Variants in RBM6 observed in about 807,000 individuals in gnomAD.
The protein encoded by RBM6 is RNA-binding protein 6.
In RBM6, 23 loss-of-function variants were observed where a neutral mutation model predicts 140.4. That is an observed-to-expected ratio of 0.16 (90% CI 0.12 to 0.23). RBM6 has a LOEUF of 0.23. Ranked by LOEUF, RBM6 falls within the 10% of genes least tolerant of loss-of-function variation. RBM6 has a pLI of 1.00. For missense variants in RBM6, 1,139 were observed against 1,386.7 expected, an observed-to-expected ratio of 0.82 and a Z score of 2.84; for synonymous variants, 439 against 475.6, an observed-to-expected ratio of 0.92 and a Z score of 1.00.
intron 6 of RBM6, among the ~76,000 whole-genome samples, chr3:50,042,838 C>G (rs981348711): frequency 3.9e-5 from 6 of 152,044 alleles, no homozygotes; most frequent in African/African-American, 1.4e-4. Flanking sequence ...TGACCCTAGT[C>G]CTTCTGACAG....
At position 50,051,931 on chromosome 3, in the gene RBM6, A is replaced by G. The variant is rs192015813; in HGVS notation, c.1633-2404A>G. Among the ~76,000 whole-genome samples the G allele has an allele frequency of 4.6e-5, 7 of 152,370 alleles. No homozygotes were observed. In the East Asian group the frequency reaches 1.3e-3, roughly 29 times the overall value. ...GCACAATTCCATGTCCCTAGGGGTA[A>G]GAATGGGGGAGGTAACTCCACTAGA... On this transcript the variant is annotated intron_variant, in intron 7 of 20. Coordinates refer to ENST00000266022, the MANE Select transcript of RBM6 (RefSeq NM_005777.3).
chr3:50,000,559 T>C (rs1479699247), intron 6 of RBM6, among the ~76,000 whole-genome samples: 1 of 151,956 alleles, frequency 6.6e-6, no homozygotes, highest in African/African-American at 2.4e-5. Context: ...TAGCTGGGAT[T>C]ACAGGCATGC....
At chr3:50,037,968 C>T (rs995012400) in intron 6 of RBM6, among the ~76,000 whole-genome samples, 5 of 151,772 alleles carry the variant, frequency 3.3e-5, no homozygotes, top group Admixed American at 1.3e-4. Flanking sequence ...ATTACAGGCG[C>T]CCGCCACCAT....
At chr3:49,969,393 G>A (rs1322027687) in intron 3 of RBM6, among the ~76,000 whole-genome samples, 1 of 147,686 alleles carries the variant, frequency 6.8e-6, no homozygotes, top group Non-Finnish European at 1.5e-5. Flanking sequence ...TTGTATTCAG[G>A]AGTGGAATGT....
At chr3:50,057,587 C>CAA (rs4030422) in intron 8 of RBM6, 141 bp from the exon 9 acceptor site, 56,190 of 210,036 alleles carry the variant, frequency 0.27, 5,943 homozygotes, top group East Asian at 0.38. Flanking sequence ...AACTCCGTCT[C>CAA]AAAAAAAAAA....
chr3:50,056,203 A>G (rs2108903944), intron 8 of RBM6, among the ~76,000 whole-genome samples: 1 of 152,250 alleles, frequency 6.6e-6, no homozygotes. Context: ...TTGTTAGGTC[A>G]CTTCAGGTTA....
At position 49,962,311 on chromosome 3, in the gene RBM6, C is replaced by T. The variant is rs191553179; in HGVS notation, c.-66-265C>T. Among the ~76,000 whole-genome samples the T allele has an allele frequency of 3.4e-3, 499 of 148,268 alleles. 4 individuals are homozygous for T. Among genetic ancestry groups the T allele is most frequent in the African/African-American group, 0.012 (483 of 39,966 alleles). The stretch of plus-strand genomic sequence containing the variant: ...AAAATTAGCTAGGCGTGGTGGCGGG[C>T]GCCTGTAGTCCTAGCTACTCGGGAG... On this transcript the variant is annotated intron_variant, in intron 1 of 20. Transcript: ENST00000266022.
chr3:50,032,948 G>T (rs2088270092), intron 6 of RBM6, among the ~76,000 whole-genome samples: 1 of 151,720 alleles, frequency 6.6e-6, no homozygotes, highest in African/African-American at 2.4e-5. Flanking sequence ...TCGTGCCATT[G>T]CACTCCAACC....
chr3:50,028,713 ATTTCT>A (rs1158861667), intron 6 of RBM6, among the ~76,000 whole-genome samples: 1 of 152,222 alleles, frequency 6.6e-6, no homozygotes, highest in African/African-American at 2.4e-5. Flanking sequence ...AGCAGGGACT[ATTTCT>A]TTTCTTTACT....
chr3:50,011,171 G>GATTA (rs2086830228), intron 6 of RBM6, among the ~76,000 whole-genome samples: 1 of 151,720 alleles, frequency 6.6e-6, no homozygotes, highest in African/African-American at 2.4e-5. Flanking sequence ...AGTGAGCCAT[G>GATTA]ATTAGATCAC....
At chr3:50,012,667 T>A (rs947993827) in intron 6 of RBM6, among the ~76,000 whole-genome samples, 2 of 144,154 alleles carry the variant, frequency 1.4e-5, no homozygotes, top group Non-Finnish European at 3.1e-5. Flanking sequence ...CATTCCAATT[T>A]TTTACAAAAG....
At chr3:49,989,042 A>C (rs2085694143) in intron 5 of RBM6, among the ~76,000 whole-genome samples, 2 of 151,924 alleles carry the variant, frequency 1.3e-5, no homozygotes, top group Admixed American at 6.6e-5. Flanking sequence ...TGACTAGATA[A>C]TGTCATTTTT....
chr3:50,013,033 G>A (rs1017960287), intron 6 of RBM6, among the ~76,000 whole-genome samples: 2 of 152,140 alleles, frequency 1.3e-5, no homozygotes, highest in African/African-American at 4.8e-5. Flanking sequence ...GTGAGCCACC[G>A]TGCCAGGCCC....
chr3:50,008,470 A>G (rs936904740), intron 6 of RBM6, among the ~76,000 whole-genome samples: 4 of 147,048 alleles, frequency 2.7e-5, no homozygotes, highest in African/African-American at 7.5e-5. Context: ...GACCTTATGT[A>G]TGTTCAGATG....
intron 6 of RBM6, among the ~76,000 whole-genome samples, chr3:50,030,588 T>C (rs1475524606): frequency 1.3e-5 from 2 of 152,202 alleles, no homozygotes; most frequent in Non-Finnish European, 2.9e-5. Context: ...CTGTATTGGT[T>C]AGGATTAGAT....
intron 2 of RBM6, among the ~76,000 whole-genome samples, chr3:49,963,272 C>T (rs1286114580): frequency 6.6e-6 from 1 of 151,998 alleles, no homozygotes; most frequent in East Asian, 1.9e-4. Context: ...CTCTCTCTGT[C>T]TCCCAGGCTG....
intron 5 of RBM6, among the ~76,000 whole-genome samples, chr3:49,987,627 ATTTC>A (rs1351513981): frequency 3.3e-5 from 5 of 150,328 alleles, no homozygotes; most frequent in Non-Finnish European, 5.9e-5. Flanking sequence ...GAGTTTGTAA[ATTTC>A]TTTCTTTCTT....
chr3:49,959,863 C>T (rs1206839225), intron 1 of RBM6, among the ~76,000 whole-genome samples: 4 of 152,202 alleles, frequency 2.6e-5, no homozygotes, highest in Non-Finnish European at 5.9e-5. Context: ...TGAGCCCCCA[C>T]GCCCGGCCTA....
chr3:49,966,909 G>A (rs1365238148), intron 2 of RBM6, among the ~76,000 whole-genome samples: 1 of 152,074 alleles, frequency 6.6e-6, no homozygotes, highest in African/African-American at 2.4e-5. Flanking sequence ...TCCTACTGGT[G>A]ATTTACAACC....
Sources: allele counts gnomAD v4.1 joint callset (sites outside exome capture counted in the v4.1 genomes callset), GRCh38; gene constraint gnomAD v4.1.1; transcripts MANE v1.5; gene names NCBI Gene and HGNC (gene_info 2026-07-23, HGNC 2026-07-21).